The following LRIG2 variants were observed in gnomAD, a reference collection of about 807,000 sequenced individuals.
The protein encoded by LRIG2 is leucine rich repeats and immunoglobulin like domains 2.
Under a neutral mutation model 107.8 loss-of-function variants are expected in LRIG2, and 93 were observed. The observed-to-expected ratio is 0.86, with a 90% confidence interval of 0.73 to 1.03. The LOEUF (loss-of-function observed/expected upper bound fraction) is 1.03, where lower values mean the gene tolerates loss of function less well. LRIG2 is among the 50% of genes least tolerant of loss of function. The probability of loss-of-function intolerance (pLI) is 0.00; values close to 1 mark genes in which losing one functional copy is unlikely to be tolerated. For synonymous variants in LRIG2, 471 were observed against 470.6 expected (o/e 1.00, Z -0.01); for missense variants, 1,226 against 1,296.0 (o/e 0.95, Z 0.83).
In LRIG2 at chr1:113,110,320, G is replaced by A; in HGVS notation, c.1556G>A (p.Cys519Tyr). Reference protein sequence around the residue: ...ALRGMNVTLTCTAVSSSDSPM... With the variant: ...ALRGMNVTLTYTAVSSSDSPM... ...AGAGGCATGAATGTGACTCTGACGT[G>A]CACTGCAGTGAGCAGCAGTGATTCA... The change falls in exon 13 of 18, where the codon TGC becomes TAC. Residue 519 changes from cysteine (C) to tyrosine (Y), a missense_variant. Coordinates refer to ENST00000361127, the MANE Select transcript of LRIG2 (RefSeq NM_014813.3). 6.2e-7 allele frequency: 1 copy of A among 1,613,582 alleles called. No homozygotes were observed. Among genetic ancestry groups the A allele is most frequent in the Non-Finnish European group, 8.5e-7 (1 of 1,179,492 alleles).
chr1:113,075,161 G>C (rs922953855), intron 1 of LRIG2, among the ~76,000 whole-genome samples: 5 of 151,910 alleles, frequency 3.3e-5, no homozygotes, highest in Non-Finnish European at 7.4e-5. Flanking sequence ...GGAGTGAGCC[G>C]AGATCGTGCC....
At chr1:113,082,619 C>T (rs892378362) in intron 1 of LRIG2, among the ~76,000 whole-genome samples, 1 of 152,096 alleles carries the variant, frequency 6.6e-6, no homozygotes. Context: ...GGAGGTGTCA[C>T]GCTATTATTT....
chr1:113,104,205 C>G (rs573810340), intron 11 of LRIG2, among the ~76,000 whole-genome samples: 5 of 152,192 alleles, frequency 3.3e-5, no homozygotes, highest in Non-Finnish European at 7.3e-5. Context: ...AATGTTCCTT[C>G]CAGTTCCCTT....
intron 1 of LRIG2, among the ~76,000 whole-genome samples, chr1:113,077,767 G>A (rs955095168): frequency 6.6e-6 from 1 of 151,898 alleles, no homozygotes; most frequent in Non-Finnish European, 1.5e-5. Flanking sequence ...TTAAGTTCTA[G>A]GGTACATGTG....
chr1:113,086,693 A>G (rs1227574369), intron 1 of LRIG2, among the ~76,000 whole-genome samples: 5 of 152,194 alleles, frequency 3.3e-5, no homozygotes, highest in Non-Finnish European at 7.3e-5. Context: ...ATGGTACTAA[A>G]CGACTACATT....
intron 11 of LRIG2, among the ~76,000 whole-genome samples, chr1:113,101,823 A>ATATT (rs1422796270): frequency 6.6e-6 from 1 of 152,238 alleles, no homozygotes; most frequent in Non-Finnish European, 1.5e-5. Flanking sequence ...GTTTACTCAA[A>ATATT]TATTTATTCA....
chr1:113,086,366 T>A (rs1570732167), intron 1 of LRIG2, among the ~76,000 whole-genome samples: 1 of 152,134 alleles, frequency 6.6e-6, no homozygotes, highest in African/African-American at 2.4e-5. Flanking sequence ...GGATTTCCAT[T>A]CACAAAAGGA....
At position 113,073,496 on chromosome 1, in the gene LRIG2, C is replaced by A; in HGVS notation, c.90C>A (p.Thr30=). ...VLSRLLFIAQ[T]ALLLLPAAGA... ...CTCGGTTACTCTTCATTGCCCAGAC[C>A]GCTCTCCTCCTGTTGCCCGCCGCCG... The change falls in exon 1 of 18, where the codon ACC becomes ACA. Residue 30 remains threonine (T), a synonymous_variant. Coordinates refer to ENST00000361127, the MANE Select transcript of LRIG2 (RefSeq NM_014813.3). The A allele has an allele frequency of 6.2e-7, 1 of 1,614,158 alleles. No homozygotes were observed. The highest frequency in any genetic ancestry group is 8.5e-7 in the Non-Finnish European group (1 of 1,180,016).
rs1191335380 is a variant in LRIG2 at position 113,110,369 on chromosome 1, A to G, written c.1605A>G (p.Lys535=). 1 of 1,614,212 alleles carries G rather than the reference A, an allele frequency of 6.2e-7. No individual in the cohort carries two copies. Among genetic ancestry groups the G allele is most frequent in the Non-Finnish European group, 8.5e-7 (1 of 1,180,036 alleles). Residue 535 remains lysine (K), a synonymous_variant, in exon 13 of 18, where the codon AAA becomes AAG. Coordinates refer to ENST00000361127, the MANE Select transcript of LRIG2 (RefSeq NM_014813.3). ...CACCCATGTCCACTGTGTGGCGCAAAGACAGTGAAATCCTGTATGACGTGG... is the reference window on the plus strand; with the variant it reads ...CACCCATGTCCACTGTGTGGCGCAAGGACAGTGAAATCCTGTATGACGTGG... ...SDSPMSTVWR[K]DSEILYDVDT...
intron 1 of LRIG2, among the ~76,000 whole-genome samples, chr1:113,076,078 T>C (rs1357708126): frequency 1.3e-5 from 2 of 151,658 alleles, no homozygotes; most frequent in Admixed American, 6.6e-5. Context: ...CGATCTCGGC[T>C]CAGTGCAGCC....
In LRIG2 at chr1:113,114,421, T is replaced by C. The variant is rs1315115247; in HGVS notation, c.2081-6T>C. On this transcript the variant is annotated splice_polypyrimidine_tract_variant and splice_region_variant and intron_variant, in intron 14 of 17. Transcript: ENST00000361127. ...ATTTTTTTTTTTTTTAATGTTTTCCTGTTAGAGACACCCTCATTTATTAGA... is the reference window on the plus strand; with the variant it reads ...ATTTTTTTTTTTTTTAATGTTTTCCCGTTAGAGACACCCTCATTTATTAGA... The C allele has an allele frequency of 6.5e-7, 1 of 1,546,808 alleles. No individual in the cohort carries two copies. The highest frequency in any genetic ancestry group is 8.7e-7 in the Non-Finnish European group (1 of 1,145,810).
intron 11 of LRIG2, 40 bp downstream of exon 11, chr1:113,100,528 T>G: frequency 8.6e-7 from 1 of 1,161,516 alleles, no homozygotes; most frequent in Non-Finnish European, 1.3e-6. Context: ...GTTGGATCAT[T>G]GTTCCTGCTT....
In LRIG2 at chr1:113,114,371, A is replaced by C. The variant is rs537452225; in HGVS notation, c.2081-56A>C. On this transcript the variant is annotated intron_variant, in intron 14 of 17. Transcript: ENST00000361127. The stretch of plus-strand genomic sequence containing the variant: ...CCATTGGTCTAATTCAGTAGAAATT[A>C]GGGAATAAAATTGCCTAACTTTTCA... The C allele has an allele frequency of 1.2e-5, 14 of 1,136,318 alleles. No homozygotes were observed. In the African/African-American group the frequency reaches 2.2e-4, roughly 18 times the overall value. 70.4% of individuals were successfully genotyped at this position (1,136,318 alleles called of 1,614,324 possible). A position where few individuals can be genotyped will look rare whatever the true frequency, so the allele number is the denominator to read the frequency against.
chr1:113,101,606 G>T (rs1276926819), intron 11 of LRIG2, among the ~76,000 whole-genome samples: 2 of 152,180 alleles, frequency 1.3e-5, no homozygotes, highest in Non-Finnish European at 2.9e-5. Flanking sequence ...GCAGTGGATT[G>T]GAAATTTAAA....
At chr1:113,122,340 GC>G (rs754348134) in intron 17 of LRIG2, among the ~76,000 whole-genome samples, 3 of 151,974 alleles carry the variant, frequency 2.0e-5, no homozygotes, top group Non-Finnish European at 4.4e-5. Flanking sequence ...ACCCACCTCA[GC>G]CTCCCAAAGT....
chr1:113,115,253 T>C (rs759898563), intron 15 of LRIG2, among the ~76,000 whole-genome samples: 1 of 152,216 alleles, frequency 6.6e-6, no homozygotes, highest in Non-Finnish European at 1.5e-5. Context: ...GTTACTGTAA[T>C]GCCCAGGTCA....
Position 113,107,705 on chromosome 1 carries a change from A to G in LRIG2, c.1425A>G (p.Glu475=). The part of the protein sequence containing the change: ...HSVNVSCAHP[E]WLAGQSILNV... ...TGAATGTAAGCTGTGCACACCCTGA[A>G]TGGCTAGCAGGGCAAAGCATCCTGA... The change falls in exon 12 of 18, where the codon GAA becomes GAG. Residue 475 remains glutamate (E), a synonymous_variant. Transcript: ENST00000361127. 6.2e-7 allele frequency: 1 copy of G among 1,613,584 alleles called. No homozygotes were observed. Among genetic ancestry groups the G allele is most frequent in the Non-Finnish European group, 8.5e-7 (1 of 1,179,822 alleles).
At chr1:113,085,136 C>G (rs1448162369) in intron 1 of LRIG2, among the ~76,000 whole-genome samples, 2 of 152,184 alleles carry the variant, frequency 1.3e-5, no homozygotes, top group African/African-American at 2.4e-5. Flanking sequence ...CCAAAAAAGA[C>G]TGTAATTACG....
Position 113,086,013 on chromosome 1 carries a change from T to G in LRIG2, c.240-5305T>G, listed in dbSNP as rs569258562. On this transcript the variant is annotated intron_variant, in intron 1 of 17. Transcript: ENST00000361127. ...GGTAACCCTGAGGTTTTTTTTTTTTTTTTTTTTTTTTTGAGATAGTTTCAC... is the reference window on the plus strand; with the variant it reads ...GGTAACCCTGAGGTTTTTTTTTTTTGTTTTTTTTTTTTGAGATAGTTTCAC... 2.6e-4 allele frequency among the ~76,000 whole-genome samples: 38 copies of G among 146,726 alleles called. No individual in the cohort carries two copies. In the East Asian group the frequency reaches 5.2e-3, roughly 20 times the overall value.
Sources: allele counts gnomAD v4.1 joint callset (sites outside exome capture counted in the v4.1 genomes callset), GRCh38; gene constraint gnomAD v4.1.1; transcripts MANE v1.5; gene names NCBI Gene and HGNC (gene_info 2026-07-23, HGNC 2026-07-21).